PHACTR1: variants seen among roughly 807,000 people sequenced by gnomAD.
PHACTR1 encodes RPEL repeat containing 1.
A neutral mutation model predicts 69.2 loss-of-function variants in PHACTR1; 16 were observed. The observed-to-expected ratio is 0.23, with a 90% confidence interval of 0.16 to 0.35. The LOEUF (loss-of-function observed/expected upper bound fraction) is 0.35. Among genes scored for constraint, PHACTR1 ranks in the 10% least tolerant of loss-of-function variants. The probability of loss-of-function intolerance (pLI) is 1.00; values close to 1 mark genes in which losing one functional copy is unlikely to be tolerated. For synonymous variants in PHACTR1, 312 were observed against 284.5 expected (o/e 1.10, Z -0.97); for missense variants, 510 against 734.7 (o/e 0.69, Z 3.54).
chr6:12,830,082 AAGGAAGGAGG>A, intron 4 of PHACTR1, among the ~76,000 whole-genome samples: 1 of 147,270 alleles, frequency 6.8e-6, no homozygotes, highest in African/African-American at 2.6e-5. Context: ...AGAAGGAAGG[AAGGAAGGAGG>A]GAAAGAAAGA....
rs148833743 is a variant in PHACTR1 at position 13,286,408 on chromosome 6, C to T, written c.1727+186C>T. 4.0e-3 allele frequency among the ~76,000 whole-genome samples: 605 copies of T among 152,248 alleles called. 2 individuals carry two copies. The highest frequency in any genetic ancestry group is 9.4e-3 in the Admixed American group (144 of 15,292). On this transcript the variant is annotated intron_variant, in intron 14 of 14. Transcript: ENST00000332995. ...ACGAGGAAGTGGAACACAGATGGCCCGGGCTAAAACCAACTTTCTGCAAAG... is the reference window on the plus strand; with the variant it reads ...ACGAGGAAGTGGAACACAGATGGCCTGGGCTAAAACCAACTTTCTGCAAAG...
chr6:12,857,220 T>A (rs934429600), intron 4 of PHACTR1, among the ~76,000 whole-genome samples: 1 of 152,238 alleles, frequency 6.6e-6, no homozygotes, highest in African/African-American at 2.4e-5. Flanking sequence ...TGGGAATTTA[T>A]TCCTTAGATA....
At chr6:13,227,670 C>G (rs1451890531) in intron 8 of PHACTR1, 146 bp from the exon 9 acceptor site, 1 of 1,067,298 alleles carries the variant, frequency 9.4e-7, no homozygotes, top group Non-Finnish European at 1.4e-6. Context: ...AAAGTGATTC[C>G]CTGTAAGATG....
chr6:13,201,730 C>T (rs536439764), intron 7 of PHACTR1, among the ~76,000 whole-genome samples: 1 of 152,240 alleles, frequency 6.6e-6, no homozygotes, highest in Non-Finnish European at 1.5e-5. Context: ...CAGCTGGTTC[C>T]AAATCGTGCC....
chr6:13,070,712 A>G (rs1234120148), intron 5 of PHACTR1, among the ~76,000 whole-genome samples: 2 of 152,184 alleles, frequency 1.3e-5, no homozygotes, highest in African/African-American at 4.8e-5. Flanking sequence ...TTAAGACAAC[A>G]GAAACGATTG....
In PHACTR1 at chr6:12,886,764, G is replaced by A. The variant is rs74889876; in HGVS notation, c.250+136974G>A. 4.1e-3 allele frequency among the ~76,000 whole-genome samples: 616 copies of A among 151,978 alleles called. 5 individuals carry two copies. The highest frequency in any genetic ancestry group is 0.014 in the African/African-American group (579 of 41,440). On this transcript the variant is annotated intron_variant, in intron 4 of 14. Transcript: ENST00000332995. ...GAAGACAGGGGAGAAGTGCTCTTTC[G>A]TTTTTTGTGTCTGATACTTCCTTTC...
At chr6:13,206,796 G>C (rs955952818) in intron 8 of PHACTR1, among the ~76,000 whole-genome samples, 1 of 152,140 alleles carries the variant, frequency 6.6e-6, no homozygotes, top group Non-Finnish European at 1.5e-5. Flanking sequence ...ACCTAGGACA[G>C]TGTAGACATG....
At chr6:13,200,848 G>A (rs1765123850) in intron 7 of PHACTR1, among the ~76,000 whole-genome samples, 1 of 150,300 alleles carries the variant, frequency 6.7e-6, no homozygotes, top group Non-Finnish European at 1.5e-5. Context: ...GCTGAGGCAG[G>A]AAAATCACTT....
chr6:13,167,536 A>C (rs1759985621), intron 6 of PHACTR1, among the ~76,000 whole-genome samples: 1 of 152,196 alleles, frequency 6.6e-6, no homozygotes, highest in Non-Finnish European at 1.5e-5. Context: ...GCCGCAGCTC[A>C]CCTAGTAGTT....
At position 12,739,263 on chromosome 6, in the gene PHACTR1, C is replaced by T. The variant is rs1174029400; in HGVS notation, c.104-10381C>T. On this transcript the variant is annotated intron_variant, in intron 3 of 14. Transcript: ENST00000332995. ...TTTAATGCGGCACAAAATGCTGGGACCTGAATCTTTAAAAGATCATCATTA... is the reference window on the plus strand; with the variant it reads ...TTTAATGCGGCACAAAATGCTGGGATCTGAATCTTTAAAAGATCATCATTA... 2.6e-5 allele frequency among the ~76,000 whole-genome samples: 4 copies of T among 151,932 alleles called. No homozygotes were observed. In the East Asian group the frequency reaches 7.7e-4, roughly 29 times the overall value.
intron 5 of PHACTR1, among the ~76,000 whole-genome samples, chr6:13,124,048 G>A (rs961442069): frequency 6.6e-6 from 1 of 152,164 alleles, no homozygotes; most frequent in African/African-American, 2.4e-5. Flanking sequence ...GAAATAGAGT[G>A]CCCCCACTAT....
chr6:12,901,464 G>A (rs1305742267), intron 4 of PHACTR1, among the ~76,000 whole-genome samples: 1 of 151,994 alleles, frequency 6.6e-6, no homozygotes, highest in Non-Finnish European at 1.5e-5. Context: ...AGGGAGAGAG[G>A]GCAGAGAAAA....
At chr6:13,261,102 CT>C (rs1203460056) in intron 10 of PHACTR1, among the ~76,000 whole-genome samples, 3 of 152,180 alleles carry the variant, frequency 2.0e-5, no homozygotes, top group Non-Finnish European at 4.4e-5. Flanking sequence ...ATCACCCATG[CT>C]GAGAACCAGC....
At chr6:13,073,294 A>G (rs1809836902) in intron 5 of PHACTR1, among the ~76,000 whole-genome samples, 1 of 146,248 alleles carries the variant, frequency 6.8e-6, no homozygotes, top group Non-Finnish European at 1.5e-5. Context: ...GATGAATTAT[A>G]TGAAAATTGG....
chr6:12,890,339 A>G (rs949913262), intron 4 of PHACTR1, among the ~76,000 whole-genome samples: 7 of 152,044 alleles, frequency 4.6e-5, no homozygotes, highest in East Asian at 1.9e-4. Context: ...GCCTCCTACT[A>G]TGCTTTCATT....
At chr6:13,062,294 A>G (rs997173691) in intron 5 of PHACTR1, among the ~76,000 whole-genome samples, 20 of 152,172 alleles carry the variant, frequency 1.3e-4, no homozygotes, top group African/African-American at 3.9e-4. Context: ...TCATTCTGCT[A>G]TAGGTTCCAC....
chr6:12,805,622 A>C, intron 4 of PHACTR1, among the ~76,000 whole-genome samples: 1 of 133,234 alleles, frequency 7.5e-6, no homozygotes, highest in African/African-American at 2.7e-5. Context: ...TTTTTTTTGG[A>C]TGGAGTCTTG....
intron 6 of PHACTR1, among the ~76,000 whole-genome samples, chr6:13,175,667 G>A (rs1195487852): frequency 3.3e-5 from 5 of 152,062 alleles, no homozygotes; most frequent in Admixed American, 6.5e-5. Flanking sequence ...TACCTGAGGC[G>A]GAAAAAGCAT....
At chr6:12,725,622 G>A (rs1318871238) in intron 3 of PHACTR1, among the ~76,000 whole-genome samples, 4 of 152,328 alleles carry the variant, frequency 2.6e-5, no homozygotes, top group Middle Eastern at 3.4e-3. Context: ...ATCCGCAGGA[G>A]ACTTTGGGAA....
Sources: gnomAD v4.1 joint callset for allele counts (sites outside exome capture counted in the v4.1 genomes callset) on GRCh38, gnomAD v4.1.1 for gene constraint, MANE v1.5 for transcripts, NCBI Gene and HGNC (gene_info 2026-07-23, HGNC 2026-07-21) for gene names.